The following DZANK1 variants were observed in gnomAD, a reference collection of about 807,000 sequenced individuals.
DZANK1 encodes the protein double zinc ribbon and ankyrin repeat domains 1, also known as double zinc ribbon and ankyrin repeat-containing protein 1.
A neutral mutation model predicts 94.5 loss-of-function variants in DZANK1; 91 were observed. The ratio of observed to expected loss-of-function variants is 0.96; its 90% CI spans 0.81 to 1.15. DZANK1 has a LOEUF of 1.15. Among genes scored for constraint, DZANK1 ranks in the 50% most tolerant of loss-of-function variants. The pLI, the probability that DZANK1 is intolerant of heterozygous loss-of-function variation, is 0.00. For missense variants in DZANK1, 903 were observed against 916.4 expected (o/e 0.99, Z 0.19); for synonymous variants, 312 against 325.3 (o/e 0.96, Z 0.44).
At chr20:18,465,776 C>A (rs924269485) in intron 1 of DZANK1, among the ~76,000 whole-genome samples, 1 of 152,150 alleles carries the variant, frequency 6.6e-6, no homozygotes, top group Non-Finnish European at 1.5e-5. Context: ...AGTCATCATA[C>A]AAGGGGAACA....
chr20:18,455,190 G>T, intron 4 of DZANK1, 57 bp downstream of exon 4: 1 of 1,364,012 alleles, frequency 7.3e-7, no homozygotes, highest in Non-Finnish European at 1.0e-6. Flanking sequence ...TGCTCACTGA[G>T]AAAGAAGGAA....
intron 3 of DZANK1, among the ~76,000 whole-genome samples, chr20:18,458,345 C>T (rs2059359068): frequency 1.3e-5 from 2 of 152,084 alleles, no homozygotes; most frequent in Non-Finnish European, 2.9e-5. Context: ...AATTTAGCCA[C>T]CTATGAGTCA....
At chr20:18,452,509 T>C (rs2059138358) in intron 6 of DZANK1, 106 bp downstream of exon 6, 4 of 1,322,514 alleles carry the variant, frequency 3.0e-6, no homozygotes, top group Non-Finnish European at 4.1e-6. Flanking sequence ...GAACAGTGCC[T>C]GGCACATGGT....
At chr20:18,432,523 A>C (rs1218441632) in intron 9 of DZANK1, 1 of 152,142 alleles carries the variant, frequency 6.6e-6, no homozygotes, top group African/African-American at 2.4e-5. Context: ...GTTATTCAAA[A>C]TCTCATTTCT....
exon 8 of DZANK1, chr20:18,443,424 C>A: frequency 6.6e-7 from 1 of 1,517,304 alleles, no homozygotes; most frequent in Non-Finnish European, 8.8e-7. Flanking sequence ...CAGAAGCGAG[C>A]AAAGGGATCT....
At chr20:18,422,856 T>C (rs1490049415) in intron 10 of DZANK1, among the ~76,000 whole-genome samples, 2 of 149,502 alleles carry the variant, frequency 1.3e-5, no homozygotes, top group African/African-American at 4.9e-5. Context: ...TGTGGTTCCA[T>C]ACAAATTTTA....
exon 21 of DZANK1, chr20:18,384,506 G>C: frequency 6.2e-7 from 1 of 1,611,888 alleles, no homozygotes; most frequent in East Asian, 2.2e-5. Context: ...CCAGTGTTCA[G>C]AGCCAGGTCG....
chr20:18,399,703 G>C (rs868450001), intron 13 of DZANK1, among the ~76,000 whole-genome samples: 11 of 152,150 alleles, frequency 7.2e-5, no homozygotes, highest in Admixed American at 6.5e-4. Flanking sequence ...GAGATTTCAC[G>C]TGAGTCTGGT....
chr20:18,454,056 C>G (rs768941177), intron 4 of DZANK1: 12 of 627,420 alleles, frequency 1.9e-5, no homozygotes, highest in Non-Finnish European at 3.6e-5. Context: ...GGTGAAGTGG[C>G]CAAGGCAGGA....
intron 7 of DZANK1, among the ~76,000 whole-genome samples, chr20:18,445,539 T>A (rs1025756975): frequency 6.6e-6 from 1 of 152,234 alleles, no homozygotes; most frequent in Non-Finnish European, 1.5e-5. Context: ...ACACATTCTT[T>A]TAAAGTGTAC....
At chr20:18,448,672 T>C (rs2058974226) in intron 7 of DZANK1, among the ~76,000 whole-genome samples, 1 of 151,990 alleles carries the variant, frequency 6.6e-6, no homozygotes, top group Admixed American at 6.6e-5. Context: ...ATCAAGACCA[T>C]CCTGGCCAAC....
intron 6 of DZANK1, 88 bp downstream of exon 6, chr20:18,452,527 G>T (rs568247565): frequency 1.4e-6 from 2 of 1,413,758 alleles, no homozygotes; most frequent in East Asian, 2.5e-5. Flanking sequence ...GGTCAAAAGT[G>T]GGGGAGGTGC....
intron 3 of DZANK1, among the ~76,000 whole-genome samples, chr20:18,457,453 G>T (rs1008505672): frequency 6.6e-6 from 1 of 152,132 alleles, no homozygotes; most frequent in Non-Finnish European, 1.5e-5. Flanking sequence ...CTCCAGTCTG[G>T]GTGACACAGC....
At chr20:18,450,323 G>A (rs149199751) in intron 6 of DZANK1, among the ~76,000 whole-genome samples, 110 of 152,244 alleles carry the variant, frequency 7.2e-4, no homozygotes, top group African/African-American at 2.5e-3. Context: ...GGCTGAGGCA[G>A]GAGGATTGCT....
chr20:18,414,597 G>T, intron 11 of DZANK1, 85 bp from the exon 12 acceptor site: 5 of 1,450,086 alleles, frequency 3.4e-6, no homozygotes, highest in Non-Finnish European at 4.7e-6. Flanking sequence ...ATTAACATAT[G>T]CCCAGACTCT....
At chr20:18,418,601 T>A (rs1314764494) in intron 10 of DZANK1, among the ~76,000 whole-genome samples, 1 of 152,258 alleles carries the variant, frequency 6.6e-6, no homozygotes, top group Non-Finnish European at 1.5e-5. Context: ...TTTTGTTGTT[T>A]GTTTGCTTTG....
At position 18,434,321 on chromosome 20, in the gene DZANK1, G is replaced by A. The variant is rs1441452941; in HGVS notation, c.748-556C>T. Among the ~76,000 whole-genome samples the A allele has an allele frequency of 3.9e-5, 6 of 152,096 alleles. No individual in the cohort carries two copies. The East Asian group carries it at 5.8e-4, about 15-fold the overall frequency. The stretch of plus-strand genomic sequence containing the variant: ...ACACTTTGGGAGGCCGAGGTGGGTG[G>A]ATCATCTAAGGTCAGGAGTTTGAGA... On this transcript the variant is annotated intron_variant, in intron 8 of 20. Transcript: ENST00000262547.
chr20:18,406,599 G>A (rs1245356941), intron 13 of DZANK1, among the ~76,000 whole-genome samples: 1 of 152,236 alleles, frequency 6.6e-6, no homozygotes, highest in East Asian at 1.9e-4. Context: ...TAACTTCAGG[G>A]AAGACCCAGC....
At position 18,394,324 on chromosome 20, in the gene DZANK1, AT is replaced by A. The variant is rs763527505; in HGVS notation, c.1637del (p.Asn546IlefsTer7). On this transcript the variant is annotated frameshift_variant, in exon 16 of 21. Coordinates refer to ENST00000262547, the Ensembl canonical transcript of DZANK1. LOFTEE classifies it high-confidence loss of function. ...CACTGCTCAGAAGGTGATCGCTGAA[AT>A]TCACTGCCTTGTTCAGGTAAAGGTT... 1 of 1,613,818 alleles carries A rather than the reference AT, an allele frequency of 6.2e-7. No homozygotes were observed. Among genetic ancestry groups the A allele is most frequent in the African/African-American group, 1.3e-5 (1 of 75,046 alleles).
Sources: gnomAD v4.1 joint callset for allele counts (sites outside exome capture counted in the v4.1 genomes callset) on GRCh38, gnomAD v4.1.1 for gene constraint, MANE v1.5 for transcripts, NCBI Gene and HGNC (gene_info 2026-07-23, HGNC 2026-07-21) for gene names.